DPP10: variants seen among roughly 807,000 people sequenced by gnomAD.
DPP10 encodes inactive dipeptidyl peptidase 10.
In DPP10, 33 loss-of-function variants were observed where a neutral mutation model predicts 120.9. That is an observed-to-expected ratio of 0.27 (90% CI 0.21 to 0.37). The LOEUF is 0.37. DPP10 is among the 10% of genes least tolerant of loss of function. The pLI is 1.00. For synonymous variants in DPP10, 337 were observed against 326.1 expected (o/e 1.03, Z -0.36); for missense variants, 816 against 942.8 (o/e 0.87, Z 1.76).
At chr2:115,111,935 G>C (rs1358613136) in intron 1 of DPP10, among the ~76,000 whole-genome samples, 3 of 152,206 alleles carry the variant, frequency 2.0e-5, no homozygotes, top group Non-Finnish European at 4.4e-5. Context: ...CGGCCAATCA[G>C]ATTCCTGCTG....
chr2:115,090,011 G>A (rs893441262), intron 1 of DPP10, among the ~76,000 whole-genome samples: 2 of 151,222 alleles, frequency 1.3e-5, no homozygotes, highest in African/African-American at 4.9e-5. Context: ...CACAGGGACT[G>A]CCCAGTAAAT....
chr2:115,127,804 T>C (rs1227510147), intron 1 of DPP10, among the ~76,000 whole-genome samples: 6 of 152,186 alleles, frequency 3.9e-5, no homozygotes, highest in Non-Finnish European at 7.3e-5. Context: ...TATTCAGCCA[T>C]GGTGTAAGCT....
Position 115,459,925 on chromosome 2 carries a change from T to TTATATATATATA in DPP10, c.272-39582_272-39571dup, listed in dbSNP as rs1553418431. ...AGGCTTACATAGTAAAACATATATT[T>TTATATATATATA]TATATATATATATACACACACACAC... On this transcript the variant is annotated intron_variant, in intron 3 of 25. Coordinates refer to ENST00000410059, the MANE Select transcript of DPP10 (RefSeq NM_020868.6). Among the ~76,000 whole-genome samples, 8 of 130,138 alleles carry TTATATATATATA rather than the reference T, an allele frequency of 6.1e-5. No homozygotes were observed. The East Asian group carries it at 6.5e-4, about 11-fold the overall frequency. 85.4% of individuals were successfully genotyped at this position (130,138 alleles called of 152,430 possible).
intron 5 of DPP10, among the ~76,000 whole-genome samples, chr2:115,652,076 T>C (rs918970568): frequency 1.3e-5 from 2 of 152,086 alleles, no homozygotes; most frequent in Admixed American, 6.6e-5. Context: ...CTTTAAAGAC[T>C]GTTTTTCTCA....
chr2:114,513,069 G>C (rs1056489736), intron 1 of DPP10, among the ~76,000 whole-genome samples: 9 of 152,062 alleles, frequency 5.9e-5, no homozygotes, highest in African/African-American at 1.7e-4. Context: ...GTTGAGAAGA[G>C]GGAAAGTTGC....
intron 1 of DPP10, among the ~76,000 whole-genome samples, chr2:114,506,640 G>T (rs1379222388): frequency 4.6e-5 from 7 of 152,078 alleles, no homozygotes; most frequent in Non-Finnish European, 1.5e-5. Flanking sequence ...ACAAAGTTTT[G>T]CTCCTGCCGG....
intron 1 of DPP10, among the ~76,000 whole-genome samples, chr2:115,082,329 C>T (rs1398569111): frequency 6.6e-6 from 1 of 152,136 alleles, no homozygotes; most frequent in African/African-American, 2.4e-5. Context: ...AGCCAGGCTT[C>T]GTGCTCTTTT....
intron 1 of DPP10, among the ~76,000 whole-genome samples, chr2:115,063,529 A>G (rs1335744779): frequency 2.0e-5 from 3 of 152,208 alleles, no homozygotes; most frequent in African/African-American, 7.2e-5. Flanking sequence ...CTACAAGGCT[A>G]CAGTAACCAA....
chr2:115,016,319 T>C (rs993028110), intron 1 of DPP10, among the ~76,000 whole-genome samples: 11 of 152,180 alleles, frequency 7.2e-5, no homozygotes, highest in Admixed American at 2.0e-4. Flanking sequence ...AGACTGAAAC[T>C]GGAACCCTTC....
At chr2:115,528,957 C>T (rs1184226724) in intron 5 of DPP10, among the ~76,000 whole-genome samples, 1 of 151,804 alleles carries the variant, frequency 6.6e-6, no homozygotes, top group African/African-American at 2.4e-5. Context: ...TGTCAATGTC[C>T]TTGTTGTTTT....
At chr2:114,619,414 C>T (rs1005344219) in intron 1 of DPP10, among the ~76,000 whole-genome samples, 4 of 146,030 alleles carry the variant, frequency 2.7e-5, no homozygotes, top group Non-Finnish European at 6.0e-5. Context: ...TGTGTGTGTA[C>T]ACACACATAT....
intron 1 of DPP10, among the ~76,000 whole-genome samples, chr2:114,535,742 A>T (rs1686430819): frequency 6.6e-6 from 1 of 152,006 alleles, no homozygotes; most frequent in South Asian, 2.1e-4. Context: ...TACAAATATG[A>T]CCATGTCACT....
rs1264015407 is a variant in DPP10 at position 114,767,342 on chromosome 2, C to T, written c.60+324504C>T. 3.4e-5 allele frequency among the ~76,000 whole-genome samples: 5 copies of T among 146,092 alleles called. 1 individual carries two copies. In the South Asian group the frequency reaches 6.5e-4, roughly 19 times the overall value. ...AGAAATATATAATATGAAAGTGGTG[C>T]TAAGAGACACGAATGATAGAATAAA... On this transcript the variant is annotated intron_variant, in intron 1 of 25. Coordinates refer to ENST00000410059, the MANE Select transcript of DPP10 (RefSeq NM_020868.6).
At chr2:114,675,219 C>T (rs1698593504) in intron 1 of DPP10, among the ~76,000 whole-genome samples, 1 of 152,104 alleles carries the variant, frequency 6.6e-6, no homozygotes, top group Admixed American at 6.6e-5. Context: ...TGTGGTTCTT[C>T]AGCATCACTT....
intron 3 of DPP10, among the ~76,000 whole-genome samples, chr2:115,434,103 C>G (rs1394339952): frequency 6.6e-6 from 1 of 151,850 alleles, no homozygotes; most frequent in Non-Finnish European, 1.5e-5. Context: ...AATTACTATA[C>G]ATATATGAGT....
intron 1 of DPP10, among the ~76,000 whole-genome samples, chr2:114,691,501 A>T (rs1699744129): frequency 6.6e-6 from 1 of 152,128 alleles, no homozygotes; most frequent in Admixed American, 6.5e-5. Context: ...ATCAGCGTTC[A>T]TCAAGTATAT....
chr2:115,327,399 G>T (rs1209026692), intron 2 of DPP10, among the ~76,000 whole-genome samples: 1 of 152,018 alleles, frequency 6.6e-6, no homozygotes, highest in Non-Finnish European at 1.5e-5. Flanking sequence ...ACTAGGAAAA[G>T]CTCACTAGAG....
intron 3 of DPP10, among the ~76,000 whole-genome samples, chr2:115,396,220 T>C (rs1435376827): frequency 6.6e-6 from 1 of 152,194 alleles, no homozygotes; most frequent in East Asian, 1.9e-4. Context: ...TATACCTCAG[T>C]GTTCCCCCTG....
At chr2:114,891,353 A>G (rs1692527806) in intron 1 of DPP10, among the ~76,000 whole-genome samples, 1 of 152,218 alleles carries the variant, frequency 6.6e-6, no homozygotes, top group Admixed American at 6.5e-5. Flanking sequence ...TGCCACATGT[A>G]CTTAATATCT....
Sources: gnomAD v4.1 joint callset for allele counts (sites outside exome capture counted in the v4.1 genomes callset) on GRCh38, gnomAD v4.1.1 for gene constraint, MANE v1.5 for transcripts, NCBI Gene and HGNC (gene_info 2026-07-23, HGNC 2026-07-21) for gene names.